Variants in EML4 observed in about 807,000 individuals in gnomAD.
EML4 encodes the protein echinoderm microtubule-associated protein-like 4.
EML4 carries 72 observed loss-of-function variants against 129.0 expected under a neutral mutation model. The ratio of observed to expected loss-of-function variants is 0.56; its 90% confidence interval spans 0.46 to 0.68. EML4 has a LOEUF of 0.68. Among genes scored for constraint, EML4 ranks in the 30% least tolerant of loss-of-function variants. The pLI, the probability that EML4 is intolerant of heterozygous loss-of-function variation, is 0.00. For missense variants in EML4, 1,363 were observed against 1,190.6 expected (o/e 1.14, Z -2.13); for synonymous variants, 532 against 405.0 (o/e 1.31, Z -3.77).
In EML4 at chr2:42,332,441, A is replaced by C. The variant is rs1164167204; in HGVS notation, c.*2234A>C. 1 of 200,940 alleles carries C rather than the reference A, an allele frequency of 5.0e-6. No individual in the cohort carries two copies. The highest frequency in any genetic ancestry group is 1.0e-5 in the Non-Finnish European group (1 of 97,320). The allele number at this position is 200,940 out of a possible 1,614,324, so 12.4% of individuals were successfully genotyped here. A position where few individuals can be genotyped will look rare whatever the true frequency, so the allele number is the denominator to read the frequency against. On this transcript the variant is annotated 3_prime_UTR_variant, in exon 23 of 23. Transcript: ENST00000318522. ...AAACTTGTGAATGAAAATGAATCCA[A>C]GTGTTTCATGTGAAGATGTTGAGCC...
chr2:42,314,783 C>G (rs1020786351), intron 17 of EML4, among the ~76,000 whole-genome samples: 3 of 152,220 alleles, frequency 2.0e-5, no homozygotes, highest in African/African-American at 7.2e-5. Flanking sequence ...TTAAGTTTGT[C>G]TGTCCATGGT....
chr2:42,191,945 G>A (rs1188407789), intron 1 of EML4, among the ~76,000 whole-genome samples: 1 of 151,916 alleles, frequency 6.6e-6, no homozygotes, highest in Non-Finnish European at 1.5e-5. Flanking sequence ...TTTGAGACCA[G>A]CCAGGCCAAC....
chr2:42,316,085 A>G (rs1346166872), intron 18 of EML4, 35 bp downstream of exon 18: 1 of 1,435,208 alleles, frequency 7.0e-7, no homozygotes, highest in Non-Finnish European at 9.8e-7. Flanking sequence ...CAAGCATGGC[A>G]TTCACAGCAC....
chr2:42,288,026 A>G (rs1558577315), intron 10 of EML4, among the ~76,000 whole-genome samples: 2 of 152,128 alleles, frequency 1.3e-5, no homozygotes, highest in Non-Finnish European at 2.9e-5. Flanking sequence ...ATTTAAATAG[A>G]ATATTTTGTA....
chr2:42,241,907 G>A (rs1675063071), intron 1 of EML4, among the ~76,000 whole-genome samples: 1 of 151,466 alleles, frequency 6.6e-6, no homozygotes, highest in South Asian at 2.1e-4. Context: ...AAATATGAAA[G>A]GCACAATATA....
At chr2:42,207,326 G>C (rs1360902151) in intron 1 of EML4, among the ~76,000 whole-genome samples, 2 of 152,028 alleles carry the variant, frequency 1.3e-5, no homozygotes, top group Non-Finnish European at 2.9e-5. Context: ...GATATAACTA[G>C]TTTTCACATA....
intron 14 of EML4, among the ~76,000 whole-genome samples, chr2:42,302,293 T>TC: frequency 6.6e-6 from 1 of 152,144 alleles, no homozygotes; most frequent in Non-Finnish European, 1.5e-5. Context: ...AGTAATCCAG[T>TC]CAGGGTAGTT....
Position 42,225,008 on chromosome 2 carries a change from T to A in EML4, c.26-20497T>A, listed in dbSNP as rs190965747. Among the ~76,000 whole-genome samples the A allele has an allele frequency of 3.9e-5, 6 of 152,160 alleles. No homozygotes were observed. The East Asian group carries it at 7.7e-4, about 20-fold the overall frequency. Reference sequence around the variant, plus strand: ...CTGGTATAAGTGGAAACATACAACATTTGTCCTTTTGTGTCTGGTTTATTT... The same window carrying A: ...CTGGTATAAGTGGAAACATACAACAATTGTCCTTTTGTGTCTGGTTTATTT... On this transcript the variant is annotated intron_variant, in intron 1 of 22. Coordinates refer to ENST00000318522, the MANE Select transcript of EML4 (RefSeq NM_019063.5).
chr2:42,282,930 G>C lies in EML4; in HGVS notation c.899G>C (p.Arg300Thr), dbSNP rs759689264. 10 of 1,613,560 alleles carry C rather than the reference G, an allele frequency of 6.2e-6. No individual in the cohort carries two copies. Among genetic ancestry groups the C allele is most frequent in the Non-Finnish European group, 7.6e-6 (9 of 1,179,564 alleles). ...GTAGTACTATTTAATTATGAGGAGA[G>C]AACTCAGCGACACTACCTGGGCCAT... ...SVVVLFNYEE[R>T]TQRHYLGHTD... Residue 300 changes from arginine (R) to threonine (T), a missense_variant, in exon 8 of 23, where the codon AGA becomes ACA. Transcript: ENST00000318522.
At chr2:42,190,302 G>C (rs145399205) in intron 1 of EML4, among the ~76,000 whole-genome samples, 2 of 152,242 alleles carry the variant, frequency 1.3e-5, no homozygotes. Flanking sequence ...TCAGGTCATA[G>C]TTAGGAGGTT....
Position 42,310,418 on chromosome 2 carries a change from C to T in EML4, c.1968-5544C>T, listed in dbSNP as rs190570145. 5.3e-5 allele frequency among the ~76,000 whole-genome samples: 8 copies of T among 151,994 alleles called. No individual in the cohort carries two copies. The East Asian group carries it at 9.7e-4, about 18-fold the overall frequency. ...GGAGTGCAGTGACATAATCTCAGCT[C>T]ACTTGCAGCCTCTGCCTCCTGGGTT... On this transcript the variant is annotated intron_variant, in intron 17 of 22. Transcript: ENST00000318522.
At chr2:42,304,618 C>G (rs1668488879) in intron 17 of EML4, 67 bp downstream of exon 17, 9 of 1,180,482 alleles carry the variant, frequency 7.6e-6, no homozygotes, top group South Asian at 6.1e-5. Context: ...CAGGAATGTT[C>G]TCAATCTGAT....
chr2:42,269,549 AT>A (rs1558560011), intron 6 of EML4, among the ~76,000 whole-genome samples: 2 of 152,192 alleles, frequency 1.3e-5, no homozygotes, highest in African/African-American at 4.8e-5. Flanking sequence ...AAGGTGATAT[AT>A]ATGAGGAAAG....
chr2:42,295,973 G>T (rs1230738883), intron 13 of EML4, among the ~76,000 whole-genome samples: 1 of 151,978 alleles, frequency 6.6e-6, no homozygotes, highest in Non-Finnish European at 1.5e-5. Flanking sequence ...AGGGGTCCTT[G>T]GCATCCATTC....
intron 1 of EML4, 101 bp downstream of exon 1, chr2:42,169,737 G>A: frequency 7.2e-7 from 1 of 1,383,782 alleles, no homozygotes; most frequent in Non-Finnish European, 9.8e-7. Flanking sequence ...CCCTCGGGGT[G>A]GCAGCGGCTC....
At position 42,263,252 on chromosome 2, in the gene EML4, C is replaced by T. The variant is rs777087884; in HGVS notation, c.587C>T (p.Ser196Leu). ...TCAGATGATAGCCGTAATAAATTGT[C>T]GAAAATACCTTCAACACCCAAATTA... ...ENSDDSRNKL[S>L]KIPSTPKLIP... The change falls in exon 5 of 23, where the codon TCG becomes TTG. Residue 196 changes from serine to leucine, a missense_variant. Physicochemically the swap from Ser to Leu is moderately radical, Grantham distance 145 (BLOSUM62 -2). Transcript: ENST00000318522. 8.1e-6 allele frequency: 13 copies of T among 1,613,034 alleles called. No homozygotes were observed. The highest frequency in any genetic ancestry group is 2.2e-5 in the East Asian group (1 of 44,766).
At position 42,182,125 on chromosome 2, in the gene EML4, C is replaced by CTT. The variant is rs1164289811; in HGVS notation, c.25+12504_25+12505dup. On this transcript the variant is annotated intron_variant, in intron 1 of 22. Transcript: ENST00000318522. ...ATCAATCTCCTGTCTCCACTGGTTT[C>CTT]TTTTTTTTTTTTTTTTATGTAGAAA... 1.1e-3 allele frequency among the ~76,000 whole-genome samples: 110 copies of CTT among 102,744 alleles called. 1 individual carries two copies. Among genetic ancestry groups the CTT allele is most frequent in the African/African-American group, 2.7e-3 (79 of 29,132 alleles). 67.4% of individuals were successfully genotyped at this position (102,744 alleles called of 152,430 possible). A position where few individuals can be genotyped will look rare whatever the true frequency, so the allele number is the denominator to read the frequency against.
intron 1 of EML4, among the ~76,000 whole-genome samples, chr2:42,206,989 A>C (rs887899810): frequency 2.0e-5 from 3 of 152,194 alleles, no homozygotes; most frequent in Non-Finnish European, 1.5e-5. Flanking sequence ...TGGCAGTTTT[A>C]TAGGGATCTA....
chr2:42,222,650 A>G (rs1299076136), intron 1 of EML4, among the ~76,000 whole-genome samples: 1 of 152,154 alleles, frequency 6.6e-6, no homozygotes, highest in Non-Finnish European at 1.5e-5. Context: ...TTGCTTTTTC[A>G]AAAACAGGAC....
Sources: allele counts gnomAD v4.1 joint callset (sites outside exome capture counted in the v4.1 genomes callset), GRCh38; gene constraint gnomAD v4.1.1; transcripts MANE v1.5; gene names NCBI Gene and HGNC (gene_info 2026-07-23, HGNC 2026-07-21).